Variants in GUCY1A1 observed in about 807,000 individuals in gnomAD.
GUCY1A1 encodes the protein guanylate cyclase 1 soluble subunit alpha 1.
A neutral mutation model predicts 64.5 loss-of-function variants in GUCY1A1; 48 were observed. The observed-to-expected ratio is 0.74, with a 90% confidence interval of 0.59 to 0.95. The LOEUF is 0.95. Ranked by LOEUF, GUCY1A1 falls within the 40% of genes least tolerant of loss-of-function variation. The pLI, the probability that GUCY1A1 is intolerant of heterozygous loss-of-function variation, is 0.00. For missense variants in GUCY1A1, 804 were observed against 825.3 expected (o/e 0.97, Z 0.32); for synonymous variants, 308 against 303.4 (o/e 1.02, Z -0.16).
At chr4:155,678,580 C>G (rs1195062729) in intron 2 of GUCY1A1, among the ~76,000 whole-genome samples, 1 of 152,216 alleles carries the variant, frequency 6.6e-6, no homozygotes, top group East Asian at 1.9e-4. Flanking sequence ...AGATAAGTCA[C>G]TTGCCTAATG....
At chr4:155,669,462 G>A (rs1055429096) in intron 2 of GUCY1A1, among the ~76,000 whole-genome samples, 4 of 151,748 alleles carry the variant, frequency 2.6e-5, no homozygotes, top group Admixed American at 6.6e-5. Flanking sequence ...TCTGTCATTC[G>A]GAGAATGAGG....
chr4:155,722,418 C>G, intron 9 of GUCY1A1: 1 of 1,363,182 alleles, frequency 7.3e-7, no homozygotes, highest in Non-Finnish European at 9.4e-7. Context: ...AAATCCATGA[C>G]AGATATTACA....
chr4:155,688,128 T>G (rs1201198837), intron 2 of GUCY1A1, among the ~76,000 whole-genome samples: 3 of 151,640 alleles, frequency 2.0e-5, no homozygotes, highest in Non-Finnish European at 2.9e-5. Context: ...CTCGGGAGGC[T>G]GAGGCAGGAG....
intron 2 of GUCY1A1, 71 bp downstream of exon 2, chr4:155,667,490 C>T (rs1383018956): frequency 6.6e-6 from 1 of 152,284 alleles, no homozygotes; most frequent in African/African-American, 2.4e-5. Context: ...GGGACCCCCG[C>T]TTGGGCTGGG....
At chr4:155,709,788 G>A (rs1365764377) in intron 5 of GUCY1A1, among the ~76,000 whole-genome samples, 4 of 151,892 alleles carry the variant, frequency 2.6e-5, no homozygotes, top group Non-Finnish European at 5.9e-5. Context: ...AGCCGAGATC[G>A]CACCACTGCA....
chr4:155,705,434 A>G (rs892173936), intron 4 of GUCY1A1, among the ~76,000 whole-genome samples: 1 of 151,190 alleles, frequency 6.6e-6, no homozygotes, highest in Non-Finnish European at 1.5e-5. Context: ...CTGTAATCCC[A>G]GCTAATCAGG....
At chr4:155,700,953 C>T (rs1048114920) in intron 3 of GUCY1A1, among the ~76,000 whole-genome samples, 6 of 152,024 alleles carry the variant, frequency 3.9e-5, no homozygotes, top group Non-Finnish European at 7.4e-5. Flanking sequence ...ATGGAGCAGT[C>T]CTGAAGTGGT....
intron 2 of GUCY1A1, chr4:155,667,679 G>A (rs955715346): frequency 9.2e-5 from 14 of 151,632 alleles, no homozygotes; most frequent in Admixed American, 2.6e-4. Context: ...GGTGGGCGCC[G>A]AGCAGCGCCG....
rs542794410 is a variant in GUCY1A1 at position 155,695,521 on chromosome 4, C to T, written c.-112-1235C>T. 3.0e-3 allele frequency among the ~76,000 whole-genome samples: 449 copies of T among 152,094 alleles called. 4 individuals are homozygous for T. The highest frequency in any genetic ancestry group is 5.1e-3 in the Non-Finnish European group (350 of 67,982). On this transcript the variant is annotated intron_variant, in intron 2 of 9. Transcript: ENST00000506455. ...AAAATCTAAGTTGATTAACAAAGCC[C>T]GATTGTGTAGAAACTGCTCTAATTT...
intron 7 of GUCY1A1, among the ~76,000 whole-genome samples, chr4:155,714,099 G>T (rs1560955762): frequency 6.6e-6 from 1 of 152,122 alleles, no homozygotes; most frequent in Non-Finnish European, 1.5e-5. Flanking sequence ...CCAGTTAACA[G>T]AAATCAAAAT....
chr4:155,696,442 T>C (rs953916231), intron 2 of GUCY1A1, among the ~76,000 whole-genome samples: 1 of 152,234 alleles, frequency 6.6e-6, no homozygotes, highest in Non-Finnish European at 1.5e-5. Context: ...TGTTCCACTC[T>C]TGTGAAATCA....
intron 2 of GUCY1A1, among the ~76,000 whole-genome samples, chr4:155,693,452 C>T (rs1293999484): frequency 6.6e-6 from 1 of 152,086 alleles, no homozygotes; most frequent in African/African-American, 2.4e-5. Flanking sequence ...TTACTGCTAA[C>T]GTTACCCATA....
In GUCY1A1 at chr4:155,719,467, C is replaced by T. The variant is rs1733684245; in HGVS notation, c.1716+2165C>T. 3.3e-5 allele frequency among the ~76,000 whole-genome samples: 5 copies of T among 152,240 alleles called. No individual in the cohort carries two copies. In the South Asian group the frequency reaches 1.0e-3, roughly 32 times the overall value. ...TGGCAGACACGAGCAGTCAAGTCTCCTATGTGTCAGTATTTGGAGTCATGT... is the reference window on the plus strand; with the variant it reads ...TGGCAGACACGAGCAGTCAAGTCTCTTATGTGTCAGTATTTGGAGTCATGT... On this transcript the variant is annotated intron_variant, in intron 8 of 9. Transcript: ENST00000506455.
intron 9 of GUCY1A1, among the ~76,000 whole-genome samples, chr4:155,723,606 A>G (rs1191749517): frequency 2.0e-5 from 3 of 151,418 alleles, no homozygotes; most frequent in African/African-American, 7.3e-5. Context: ...CTTTAATAGC[A>G]TCTTCTCCCT....
At chr4:155,680,460 A>ATGTGTGTGTGTGTG (rs59517530) in intron 2 of GUCY1A1, among the ~76,000 whole-genome samples, 81 of 149,632 alleles carry the variant, frequency 5.4e-4, no homozygotes, top group Admixed American at 1.9e-3. Context: ...TTTTAAGTAT[A>ATGTGTGTGTGTGTG]TGTGTGTGTG....
rs751701114 is a variant in GUCY1A1, at chr4:155,713,561, G to A, written c.1550G>A (p.Cys517Tyr). ...NALYTRFDQQCGELDVYKVET... is the reference protein window; with the variant it reads ...NALYTRFDQQYGELDVYKVET... ...CTGTACACTCGCTTCGACCAGCAGT[G>A]TGGAGAGCTGGATGTCTACAAGGTA... is the stretch of plus-strand genomic sequence containing the variant. Residue 517 changes from cysteine (C) to tyrosine (Y), a missense_variant, in exon 7 of 10, where the codon TGT becomes TAT. Coordinates refer to ENST00000506455, the MANE Select transcript of GUCY1A1 (RefSeq NM_001130682.3). 35 of 1,613,376 alleles carry A rather than the reference G, an allele frequency of 2.2e-5. No homozygotes were observed. Among genetic ancestry groups the A allele is most frequent in the Non-Finnish European group, 2.8e-5 (33 of 1,179,408 alleles).
intron 9 of GUCY1A1, among the ~76,000 whole-genome samples, chr4:155,726,107 C>A (rs1244986935): frequency 6.6e-6 from 1 of 151,870 alleles, no homozygotes; most frequent in Non-Finnish European, 1.5e-5. Context: ...TTGCTGAAGT[C>A]ATTTCTACTT....
intron 5 of GUCY1A1, among the ~76,000 whole-genome samples, chr4:155,709,155 G>C (rs1370308276): frequency 6.6e-6 from 1 of 151,592 alleles, no homozygotes; most frequent in African/African-American, 2.4e-5. Flanking sequence ...AGAGGACTCT[G>C]TAACTATAAA....
At position 155,717,530 on chromosome 4, in the gene GUCY1A1, TG is replaced by T. The variant is rs536726342; in HGVS notation, c.1716+231del. Among the ~76,000 whole-genome samples, 8 of 152,294 alleles carry T rather than the reference TG, an allele frequency of 5.3e-5. No homozygotes were observed. The East Asian group carries it at 1.4e-3, about 26-fold the overall frequency. Reference sequence around the variant, plus strand: ...AGGACAGAAGAACCCATCTATAAGTTGGGCTTTCAAAAAATGTTTCCCATAG... The same window carrying T: ...AGGACAGAAGAACCCATCTATAAGTTGGCTTTCAAAAAATGTTTCCCATAG... On this transcript the variant is annotated intron_variant, in intron 8 of 9. Coordinates refer to ENST00000506455, the MANE Select transcript of GUCY1A1 (RefSeq NM_001130682.3).
Sources: allele counts gnomAD v4.1 joint callset (sites outside exome capture counted in the v4.1 genomes callset), GRCh38; gene constraint gnomAD v4.1.1; transcripts MANE v1.5; gene names NCBI Gene and HGNC (gene_info 2026-07-23, HGNC 2026-07-21).